Variants in AMPH observed in about 807,000 individuals in gnomAD.
The protein encoded by AMPH is amphiphysin.
A neutral mutation model predicts 99.1 loss-of-function variants in AMPH; 49 were observed. The observed-to-expected ratio is 0.49, with a 90% CI of 0.39 to 0.63. AMPH has a LOEUF of 0.63. Ranked by LOEUF, AMPH falls within the 20% of genes least tolerant of loss-of-function variation. The pLI is 0.00. For missense variants in AMPH, 759 were observed against 863.4 expected, an observed-to-expected ratio of 0.88 and a Z score of 1.52; for synonymous variants, 314 against 317.3, an observed-to-expected ratio of 0.99 and a Z score of 0.11.
chr7:38,514,292 C>T (rs994185970), intron 2 of AMPH, among the ~76,000 whole-genome samples: 2 of 152,118 alleles, frequency 1.3e-5, no homozygotes, highest in East Asian at 1.9e-4. Context: ...CAATAGTTAC[C>T]TGCTATTGTT....
chr7:38,426,958 G>A lies in AMPH; in HGVS notation c.1211C>T (p.Thr404Ile). ...GTAAGAAAACAGATTCCTTACCTGT[G>A]TGAATCCATTAAATGAACCACCAGA... ...PASGGSFNGF[T>I]QPQDTSLFTM... is the part of the protein sequence containing the mutation. The change falls in exon 15 of 21, where the codon ACA (threonine) becomes ATA (isoleucine). Residue 404 changes from threonine (T) to isoleucine (I), a missense_variant. By Grantham distance (89) the Thr-to-Ile change is moderately conservative (BLOSUM62 -1). Around this residue, in one of 2 missense-constraint regions of AMPH, gnomAD observed 554 missense variants for 575.6 expected, o/e 0.96. Coordinates refer to ENST00000356264, the MANE Select transcript of AMPH (RefSeq NM_001635.4). The A allele has an allele frequency of 6.2e-7, 1 of 1,612,810 alleles. No individual in the cohort carries two copies. Among genetic ancestry groups the A allele is most frequent in the East Asian group, 2.2e-5 (1 of 44,812 alleles).
chr7:38,622,471 A>ACACACC (rs924052985), intron 1 of AMPH, among the ~76,000 whole-genome samples: 3 of 151,678 alleles, frequency 2.0e-5, no homozygotes, highest in Admixed American at 1.3e-4. Context: ...ACACACACAC[A>ACACACC]CACACACGCA....
At chr7:38,402,386 T>C (rs1784863628) in intron 17 of AMPH, among the ~76,000 whole-genome samples, 2 of 152,238 alleles carry the variant, frequency 1.3e-5, no homozygotes, top group South Asian at 4.1e-4. Flanking sequence ...TGTATTGCTC[T>C]ATAGGTGTTT....
intron 1 of AMPH, among the ~76,000 whole-genome samples, chr7:38,546,734 A>T (rs1434227419): frequency 6.6e-6 from 1 of 152,162 alleles, no homozygotes; most frequent in Non-Finnish European, 1.5e-5. Context: ...TATTCTGGTG[A>T]CCCTGGGTAA....
At chr7:38,545,288 C>A (rs190741828) in intron 1 of AMPH, among the ~76,000 whole-genome samples, 1 of 152,256 alleles carries the variant, frequency 6.6e-6, no homozygotes, top group Non-Finnish European at 1.5e-5. Flanking sequence ...TCTGCTAATA[C>A]CTGTCTTCCT....
intron 17 of AMPH, among the ~76,000 whole-genome samples, chr7:38,403,843 T>C (rs1361041899): frequency 6.6e-6 from 1 of 152,188 alleles, no homozygotes; most frequent in Non-Finnish European, 1.5e-5. Flanking sequence ...ACTGGGGCCT[T>C]GGGCAAGTGC....
chr7:38,464,879 C>G (rs766703785), intron 9 of AMPH, among the ~76,000 whole-genome samples: 2 of 152,088 alleles, frequency 1.3e-5, no homozygotes, highest in African/African-American at 2.4e-5. Context: ...GCAGCCGAAC[C>G]CTGGCAAGGT....
At chr7:38,588,100 G>A (rs1186349211) in intron 1 of AMPH, among the ~76,000 whole-genome samples, 14 of 151,934 alleles carry the variant, frequency 9.2e-5, no homozygotes, top group Admixed American at 7.9e-4. Context: ...ACAGGTGTGC[G>A]CCACCTCACC....
chr7:38,451,330 T>C (rs200429855), intron 11 of AMPH, among the ~76,000 whole-genome samples: 8 of 128,992 alleles, frequency 6.2e-5, no homozygotes, highest in Admixed American at 3.6e-4. Flanking sequence ...TATATACACA[T>C]GTATATATAC....
At chr7:38,429,037 C>T in intron 14 of AMPH, 1 of 1,290,348 alleles carries the variant, frequency 7.7e-7, no homozygotes, top group Non-Finnish European at 1.0e-6. Context: ...GTCTTGATAT[C>T]AATAGCTCCA....
At chr7:38,558,526 C>G (rs970450238) in intron 1 of AMPH, among the ~76,000 whole-genome samples, 1 of 152,106 alleles carries the variant, frequency 6.6e-6, no homozygotes, top group African/African-American at 2.4e-5. Context: ...GTTTTAAACA[C>G]TGATTAATGC....
At chr7:38,480,308 G>T (rs979524932) in intron 5 of AMPH, among the ~76,000 whole-genome samples, 4 of 152,056 alleles carry the variant, frequency 2.6e-5, no homozygotes, top group African/African-American at 7.2e-5. Flanking sequence ...GGTGAGACAG[G>T]GCACAAAATT....
intron 17 of AMPH, among the ~76,000 whole-genome samples, chr7:38,405,993 C>CA (rs1328184505): frequency 6.6e-6 from 1 of 152,142 alleles, no homozygotes; most frequent in African/African-American, 2.4e-5. Context: ...TCAATAAATT[C>CA]AAAGTCCTGA....
At chr7:38,456,668 A>C (rs1388774241) in intron 11 of AMPH, among the ~76,000 whole-genome samples, 2 of 152,264 alleles carry the variant, frequency 1.3e-5, no homozygotes, top group Non-Finnish European at 1.5e-5. Context: ...GGGTTACTCC[A>C]CCACCGCTAC....
chr7:38,545,462 G>A (rs1209094087), intron 1 of AMPH, among the ~76,000 whole-genome samples: 1 of 152,072 alleles, frequency 6.6e-6, no homozygotes, highest in Non-Finnish European at 1.5e-5. Flanking sequence ...TGGTTTTGGT[G>A]GAAAGAATAG....
At chr7:38,597,270 G>T (rs1375878155) in intron 1 of AMPH, among the ~76,000 whole-genome samples, 2 of 152,004 alleles carry the variant, frequency 1.3e-5, no homozygotes, top group East Asian at 1.9e-4. Context: ...ATATATGATT[G>T]TATTTCCATT....
At chr7:38,605,085 C>CT (rs202128221) in intron 1 of AMPH, among the ~76,000 whole-genome samples, 1 of 45,610 alleles carries the variant, frequency 2.2e-5, no homozygotes, top group African/African-American at 1.9e-4. Context: ...AGTCTGAAGC[C>CT]TTTTGGGTAC....
intron 1 of AMPH, among the ~76,000 whole-genome samples, chr7:38,579,060 C>T (rs1415626278): frequency 6.6e-6 from 1 of 152,212 alleles, no homozygotes; most frequent in African/African-American, 2.4e-5. Flanking sequence ...ATGCTGGCCT[C>T]ACAAAGCCCC....
chr7:38,520,207 T>A (rs1249624644), intron 2 of AMPH, among the ~76,000 whole-genome samples: 1 of 152,100 alleles, frequency 6.6e-6, no homozygotes, highest in Non-Finnish European at 1.5e-5. Context: ...CATCAACTTA[T>A]CAAAAAAAAT....
Sources: allele counts gnomAD v4.1 joint callset (sites outside exome capture counted in the v4.1 genomes callset), GRCh38; gene constraint gnomAD v4.1.1; regional missense constraint gnomAD v4.1.1; transcripts MANE v1.5; gene names NCBI Gene and HGNC (gene_info 2026-07-23, HGNC 2026-07-21).